Variants in ACSM3 observed in about 807,000 individuals in gnomAD.
ACSM3 encodes the protein acyl-coenzyme A synthetase ACSM3, mitochondrial.
A neutral mutation model predicts 74.1 loss-of-function variants in ACSM3; 61 were observed. The observed-to-expected ratio is 0.82, with a 90% CI of 0.67 to 1.02. The LOEUF (loss-of-function observed/expected upper bound fraction) is 1.02. Ranked by LOEUF, ACSM3 falls within the 50% of genes least tolerant of loss-of-function variation. ACSM3 has a pLI of 0.00. For missense variants in ACSM3, 660 were observed against 697.0 expected, an observed-to-expected ratio of 0.95 and a Z score of 0.60; for synonymous variants, 213 against 241.5, an observed-to-expected ratio of 0.88 and a Z score of 1.09.
intron 1 of ACSM3, among the ~76,000 whole-genome samples, chr16:20,707,239 G>T (rs552683473): frequency 6.6e-6 from 1 of 152,138 alleles, no homozygotes; most frequent in Non-Finnish European, 1.5e-5. Context: ...GCTACAGATC[G>T]AGAGCATGGC....
At chr16:20,725,952 C>A (rs1056151721) in intron 1 of ACSM3, among the ~76,000 whole-genome samples, 2 of 151,848 alleles carry the variant, frequency 1.3e-5, no homozygotes, top group Non-Finnish European at 2.9e-5. Context: ...CCAGCCTGGG[C>A]AACAGCGCAA....
chr16:20,701,951 A>T (rs548938134), intron 1 of ACSM3, among the ~76,000 whole-genome samples: 2 of 152,158 alleles, frequency 1.3e-5, no homozygotes, highest in Non-Finnish European at 2.9e-5. Flanking sequence ...ATGGATGGGC[A>T]TTCTGGTTGG....
chr16:20,739,379 T>C (rs2079898474), intron 1 of ACSM3, among the ~76,000 whole-genome samples: 1 of 152,004 alleles, frequency 6.6e-6, no homozygotes. Flanking sequence ...TTTCGCCATG[T>C]TGGTCAGGCT....
chr16:20,732,970 CAAG>C (rs1407907854), intron 1 of ACSM3: 3 of 158,722 alleles, frequency 1.9e-5, no homozygotes, highest in Non-Finnish European at 2.9e-5. Flanking sequence ...TTTAAGAGAC[CAAG>C]AATAGGGACG....
At chr16:20,756,096 G>A (rs1385361021) in intron 3 of ACSM3, among the ~76,000 whole-genome samples, 3 of 152,032 alleles carry the variant, frequency 2.0e-5, no homozygotes, top group Non-Finnish European at 4.4e-5. Flanking sequence ...GTAAACATAC[G>A]TGTGCATGTG....
At chr16:20,740,754 T>C (rs555503385) in intron 1 of ACSM3, among the ~76,000 whole-genome samples, 2 of 152,346 alleles carry the variant, frequency 1.3e-5, no homozygotes, top group South Asian at 4.1e-4. Flanking sequence ...AGTAATATGA[T>C]TTCCAAACAC....
chr16:20,780,415 G>A, intron 4 of ACSM3: 1 of 549,060 alleles, frequency 1.8e-6, no homozygotes, highest in South Asian at 2.2e-5. Context: ...TTACTCTGCT[G>A]GAGGTATGAT....
At chr16:20,729,091 GAA>G in intron 1 of ACSM3, 1 of 433,638 alleles carries the variant, frequency 2.3e-6, no homozygotes, top group Non-Finnish European at 4.3e-6. Context: ...ATGGGCAACA[GAA>G]AGAGACTCTG....
rs535548131 is a variant in ACSM3, at chr16:20,722,278, T to G, written c.-189-27632T>G. ...GCTGTTGTGATAGTGGAAGAATGCA[T>G]GTTTGTTACTTTTATTTGGAGTTGC... On this transcript the variant is annotated intron_variant, in intron 1 of 3. Transcript: ENST00000561584. 2.6e-5 allele frequency: 4 copies of G among 152,334 alleles called. No homozygotes were observed. The South Asian group carries it at 8.3e-4, about 32-fold the overall frequency. 9.4% of individuals were successfully genotyped at this position (152,334 alleles called of 1,614,324 possible).
chr16:20,750,844 GTTT>G (rs59655300), intron 2 of ACSM3, among the ~76,000 whole-genome samples: 52 of 115,378 alleles, frequency 4.5e-4, no homozygotes, highest in African/African-American at 1.3e-3. Flanking sequence ...TTGGAGTCAG[GTTT>G]TTTTTTTTTT....
rs137879235 is a variant in ACSM3, at chr16:20,780,800, C to A, written c.725C>A (p.Pro242Gln). ...TTTACCAGTGGAACAAGTGGATATC[C>A]GAAAATGACTGCACACACCCACAGC... ...IFFTSGTSGY[P>Q]KMTAHTHSSF... is the part of the protein sequence containing the mutation. The change falls in exon 5 of 14, where the codon CCG becomes CAG. Residue 242 changes from proline (P) to glutamine (Q), a missense_variant. By Grantham distance (76) the Pro-to-Gln change is moderately conservative. Transcript: ENST00000289416. 5.6e-6 allele frequency: 9 copies of A among 1,614,168 alleles called. No homozygotes were observed. The South Asian group carries it at 9.9e-5, about 18-fold the overall frequency.
chr16:20,738,067 A>G (rs2079886060), intron 1 of ACSM3: 1 of 1,052,482 alleles, frequency 9.5e-7, no homozygotes, highest in South Asian at 1.5e-5. Flanking sequence ...AATTCTCATA[A>G]TGAATTTTAA....
At chr16:20,690,694 T>C (rs2152335717) in intron 1 of ACSM3, among the ~76,000 whole-genome samples, 1 of 152,350 alleles carries the variant, frequency 6.6e-6, no homozygotes, top group South Asian at 2.1e-4. Context: ...TTTGCTGACC[T>C]TGTGACTAGA....
intron 1 of ACSM3, among the ~76,000 whole-genome samples, chr16:20,766,095 A>C (rs1224066803): frequency 6.6e-6 from 1 of 152,184 alleles, no homozygotes; most frequent in Non-Finnish European, 1.5e-5. Flanking sequence ...GAAGCTCAAG[A>C]CCTTAAGATA....
Position 20,717,963 on chromosome 16 carries a change from GAAGAAGAAGAAGAAGAA to G in ACSM3, c.-189-31946_-189-31930del, listed in dbSNP as rs2079769752. Among the ~76,000 whole-genome samples the G allele has an allele frequency of 6.1e-3, 576 of 93,668 alleles. 9 individuals carry two copies. The highest frequency in any genetic ancestry group is 0.017 in the South Asian group (48 of 2,760). The allele number at this position is 93,668 out of a possible 152,430, so 61.4% of individuals were successfully genotyped here. On this transcript the variant is annotated intron_variant, in intron 1 of 3. Coordinates refer to the ACSM3 transcript ENST00000561584. ...AGAAGAGGAAGAGGAAGAGGAAGAAGAAGAAGAAGAAGAAGAAGAAGAAGAAGAAGAAGAAGAAGAAG... is the reference window on the plus strand; with the variant it reads ...AGAAGAGGAAGAGGAAGAGGAAGAAGGAAGAAGAAGAAGAAGAAGAAGAAG...
In ACSM3 at chr16:20,796,958, T is replaced by C; in HGVS notation, c.1747T>C (p.Trp583Arg). 1 of 1,612,542 alleles carries C rather than the reference T, an allele frequency of 6.2e-7. No homozygotes were observed. Among genetic ancestry groups the C allele is most frequent in the African/African-American group, 1.3e-5 (1 of 74,982 alleles). The change falls in exon 14 of 14, where the codon TGG (tryptophan) becomes CGG (arginine). Residue 583 changes from tryptophan to arginine, a missense_variant. Physicochemically the swap from Trp to Arg is moderately radical, Grantham distance 101. Coordinates refer to ENST00000289416, the MANE Select transcript of ACSM3 (RefSeq NM_005622.4). ...AAGAAATGAACTGAGGAAGAAAGAA[T>C]GGAAGACAATTTAAAGTTGTTTCAT... ...TKRNELRKKE[W>R]KTI
In ACSM3 at chr16:20,765,855, G is replaced by A. The variant is rs558215510; in HGVS notation, c.-52+1730G>A. On this transcript the variant is annotated intron_variant, in intron 1 of 13. Transcript: ENST00000289416. Reference sequence around the variant, plus strand: ...TGCCAGATCTCAGCAAAAATGTTACGTCCCTAGAGAGACCTCCTAAAAGGT... The same window carrying A: ...TGCCAGATCTCAGCAAAAATGTTACATCCCTAGAGAGACCTCCTAAAAGGT... Among the ~76,000 whole-genome samples, 7 of 152,228 alleles carry A rather than the reference G, an allele frequency of 4.6e-5. No individual in the cohort carries two copies. In the South Asian group the frequency reaches 8.3e-4, roughly 18 times the overall value.
At chr16:20,732,841 TCTC>T (rs1260473139) in intron 1 of ACSM3, 2 of 154,366 alleles carry the variant, frequency 1.3e-5, no homozygotes, top group Admixed American at 6.6e-5. Flanking sequence ...ATGCAAGCTC[TCTC>T]CTATTGCACT....
intron 1 of ACSM3, among the ~76,000 whole-genome samples, chr16:20,686,942 G>T (rs954512722): frequency 6.7e-6 from 1 of 150,102 alleles, no homozygotes; most frequent in Non-Finnish European, 1.5e-5. Context: ...GGAAAAAAAT[G>T]AAAAAGCCAT....
Sources: allele counts gnomAD v4.1 joint callset (sites outside exome capture counted in the v4.1 genomes callset), GRCh38; gene constraint gnomAD v4.1.1; transcripts MANE v1.5; gene names NCBI Gene and HGNC (gene_info 2026-07-23, HGNC 2026-07-21).